Variants in SNX29 observed in about 807,000 individuals in gnomAD.
The protein encoded by SNX29 is sorting nexin 29, also known as sorting nexin-29.
SNX29 carries 78 observed loss-of-function variants against 102.1 expected under a neutral mutation model. The ratio of observed to expected loss-of-function variants is 0.76; its 90% CI spans 0.64 to 0.92. SNX29 has a LOEUF of 0.92. Among genes scored for constraint, SNX29 ranks in the 40% least tolerant of loss-of-function variants. The pLI, the probability that SNX29 is intolerant of heterozygous loss-of-function variation, is 0.00. For missense variants in SNX29, 1,280 were observed against 1,061.7 expected, an observed-to-expected ratio of 1.21 and a Z score of -2.86; for synonymous variants, 580 against 414.5, an observed-to-expected ratio of 1.40 and a Z score of -4.85.
intron 15 of SNX29, among the ~76,000 whole-genome samples, chr16:12,353,701 T>C (rs1449534867): frequency 6.6e-6 from 1 of 152,100 alleles, no homozygotes; most frequent in Non-Finnish European, 1.5e-5. Context: ...TCAACATGTT[T>C]ATGGAGCAGA....
intron 14 of SNX29, among the ~76,000 whole-genome samples, chr16:12,251,436 C>T (rs2078418671): frequency 6.6e-6 from 1 of 152,304 alleles, no homozygotes; most frequent in South Asian, 2.1e-4. Context: ...GGTACAGTGG[C>T]TCATGCCTGT....
chr16:12,013,503 A>ATATATG (rs2056740786), intron 3 of SNX29, among the ~76,000 whole-genome samples: 1 of 56,668 alleles, frequency 1.8e-5, no homozygotes, highest in Non-Finnish European at 3.1e-5. Context: ...AAAAAAAAAT[A>ATATATG]TATATATATA....
intron 19 of SNX29, among the ~76,000 whole-genome samples, chr16:12,481,468 A>C (rs1362047319): frequency 1.1e-5 from 1 of 94,120 alleles, no homozygotes. Flanking sequence ...ATATATATAC[A>C]CATATATACA....
intron 20 of SNX29, among the ~76,000 whole-genome samples, chr16:12,549,740 C>T (rs190734611): frequency 3.9e-5 from 6 of 152,324 alleles, no homozygotes; most frequent in East Asian, 1.9e-4. Flanking sequence ...TGTGTTCCAG[C>T]ATTTACTTTG....
chr16:12,375,133 T>C (rs949056172), intron 16 of SNX29: 1 of 152,086 alleles, frequency 6.6e-6, no homozygotes, highest in African/African-American at 2.4e-5. Flanking sequence ...ATCCTGGTGG[T>C]GCTTTGTGAT....
intron 19 of SNX29, among the ~76,000 whole-genome samples, chr16:12,521,464 G>A (rs1597720214): frequency 1.3e-5 from 2 of 151,990 alleles, no homozygotes; most frequent in South Asian, 2.1e-4. Context: ...TTGGGGGTGG[G>A]GGGTTCACTT....
chr16:12,369,989 G>A (rs1406651034), intron 16 of SNX29, among the ~76,000 whole-genome samples: 1 of 152,032 alleles, frequency 6.6e-6, no homozygotes, highest in Non-Finnish European at 1.5e-5. Flanking sequence ...GGCTGAGGTG[G>A]GCTGATCACC....
At chr16:12,416,862 A>G (rs2151569097) in intron 18 of SNX29, among the ~76,000 whole-genome samples, 1 of 152,322 alleles carries the variant, frequency 6.6e-6, no homozygotes, top group East Asian at 1.9e-4. Context: ...CCCATGCCCC[A>G]GACACCTCCC....
intron 19 of SNX29, among the ~76,000 whole-genome samples, chr16:12,503,112 C>G (rs1330447048): frequency 6.6e-6 from 1 of 152,174 alleles, no homozygotes; most frequent in Non-Finnish European, 1.5e-5. Context: ...CCACCACCCC[C>G]ACCCCCAGGG....
At chr16:12,051,695 T>G (rs1437975888) in intron 7 of SNX29, 152 bp from the exon 8 acceptor site, 1 of 1,191,960 alleles carries the variant, frequency 8.4e-7, no homozygotes, top group Non-Finnish European at 1.2e-6. Context: ...GTACACAGAT[T>G]TTCACTGAGG....
intron 14 of SNX29, among the ~76,000 whole-genome samples, chr16:12,260,448 A>G (rs1392515181): frequency 6.6e-6 from 1 of 152,114 alleles, no homozygotes; most frequent in Non-Finnish European, 1.5e-5. Flanking sequence ...CTTCCTTCCC[A>G]TGCGGCTTGA....
chr16:12,009,439 TTATATGTGTGTGTGTA>T (rs1486280570), intron 3 of SNX29, among the ~76,000 whole-genome samples: 1 of 148,700 alleles, frequency 6.7e-6, no homozygotes, highest in African/African-American at 2.5e-5. Flanking sequence ...ATATATATTT[TTATATGTGTGTGTGTA>T]TATATGTGTG....
intron 18 of SNX29, among the ~76,000 whole-genome samples, chr16:12,431,849 CTTCATTCATTTGTTCT>C (rs943246343): frequency 3.3e-5 from 5 of 152,218 alleles, no homozygotes; most frequent in African/African-American, 1.2e-4. Context: ...AGTCTTGTTC[CTTCATTCATTTGTTCT>C]TTCATTCATT....
At chr16:12,307,503 G>A (rs1438028716) in intron 15 of SNX29, among the ~76,000 whole-genome samples, 1 of 152,220 alleles carries the variant, frequency 6.6e-6, no homozygotes, top group Admixed American at 6.5e-5. Flanking sequence ...ATGCAGGGCT[G>A]GTCTGGGTAC....
chr16:12,319,755 C>G (rs2151169281), intron 15 of SNX29, among the ~76,000 whole-genome samples: 1 of 152,222 alleles, frequency 6.6e-6, no homozygotes. Context: ...GCAGCTCAGC[C>G]CAGATCCACA....
intron 19 of SNX29, among the ~76,000 whole-genome samples, chr16:12,487,169 G>A (rs1765149010): frequency 6.6e-6 from 1 of 152,174 alleles, no homozygotes; most frequent in African/African-American, 2.4e-5. Flanking sequence ...TCTGGCACAT[G>A]GTAAGATCTG....
chr16:12,384,983 C>T (rs1000505869), intron 16 of SNX29, among the ~76,000 whole-genome samples: 2 of 152,174 alleles, frequency 1.3e-5, no homozygotes, highest in African/African-American at 2.4e-5. Flanking sequence ...CCAGCCTGAC[C>T]AACATGGTGA....
intron 14 of SNX29, among the ~76,000 whole-genome samples, chr16:12,212,361 G>C (rs1409387959): frequency 6.6e-6 from 1 of 152,152 alleles, no homozygotes; most frequent in African/African-American, 2.4e-5. Context: ...GCAGGGCTGT[G>C]TGTAGACTGG....
chr16:12,167,098 A>G (rs1376545231), intron 13 of SNX29, among the ~76,000 whole-genome samples: 1 of 152,138 alleles, frequency 6.6e-6, no homozygotes, highest in Non-Finnish European at 1.5e-5. Context: ...GCATGCTATG[A>G]TGAAGTCTTG....
Sources: gnomAD v4.1 joint callset for allele counts (sites outside exome capture counted in the v4.1 genomes callset) on GRCh38, gnomAD v4.1.1 for gene constraint, MANE v1.5 for transcripts, NCBI Gene and HGNC (gene_info 2026-07-23, HGNC 2026-07-21) for gene names.